Variants in LRIG2 observed in about 807,000 individuals in gnomAD.
LRIG2 encodes the protein leucine-rich repeats and immunoglobulin-like domains protein 2.
Under a neutral mutation model 107.8 loss-of-function variants are expected in LRIG2, and 93 were observed. That is an observed-to-expected ratio of 0.86 (90% CI 0.73 to 1.03). LRIG2 has a LOEUF of 1.03. LRIG2 is among the 50% of genes least tolerant of loss of function. The pLI is 0.00. For synonymous variants in LRIG2, 471 were observed against 470.6 expected (o/e 1.00, Z -0.01); for missense variants, 1,226 against 1,296.0 (o/e 0.95, Z 0.83).
chr1:113,086,322 CTAAAT>C (rs1034785864), intron 1 of LRIG2, among the ~76,000 whole-genome samples: 9 of 152,036 alleles, frequency 5.9e-5, no homozygotes, highest in African/African-American at 2.2e-4. Flanking sequence ...ATTTTTAAAA[CTAAAT>C]TATGCTAGGT....
intron 10 of LRIG2, 68 bp from the exon 11 acceptor site, chr1:113,100,352 A>G: frequency 1.4e-6 from 2 of 1,451,396 alleles, no homozygotes; most frequent in South Asian, 1.2e-5. Context: ...TTTCATGACC[A>G]TGTAAAGTGT....
At chr1:113,107,134 T>C (rs1654573965) in intron 11 of LRIG2, among the ~76,000 whole-genome samples, 1 of 152,150 alleles carries the variant, frequency 6.6e-6, no homozygotes, top group African/African-American at 2.4e-5. Flanking sequence ...GTTGCAGCCA[T>C]GGTGACACTT....
In LRIG2 at chr1:113,116,345, TGAGCCACAG is replaced by T. The variant is rs1339868969; in HGVS notation, c.2592_2600del (p.Pro865_Glu867del). ...ACTTGTCTTCCCAAGGAACGCTGTCTGAGCCACAGGAAGGCTACAGCAACTCTGAGGCAG... is the reference window on the plus strand; with the variant it reads ...ACTTGTCTTCCCAAGGAACGCTGTCTGAAGGCTACAGCAACTCTGAGGCAG... On this transcript the variant is annotated inframe_deletion, in exon 16 of 18. Transcript: ENST00000361127. The T allele has an allele frequency of 2.5e-6, 4 of 1,614,102 alleles. No individual in the cohort carries two copies. Among genetic ancestry groups the T allele is most frequent in the African/African-American group, 1.3e-5 (1 of 75,066 alleles).
At chr1:113,117,672 C>T (rs568681427) in intron 16 of LRIG2, among the ~76,000 whole-genome samples, 34 of 151,768 alleles carry the variant, frequency 2.2e-4, no homozygotes, top group Middle Eastern at 3.4e-3. Context: ...TTAGTAGAGA[C>T]GGGTTTCACC....
In LRIG2 at chr1:113,100,487, C is replaced by T. The variant is rs764738141; in HGVS notation, c.1312C>T (p.Leu438=). ...NAFSQTHLKE[L]ILNTSSLLCD... The stretch of plus-strand genomic sequence containing the variant: ...TTTTTCTCAGACTCATTTAAAAGAA[C>T]TGTAAGTAACTTGTCTTTTTAAAAT... Residue 438 remains leucine (L), a splice_region_variant and synonymous_variant, in exon 11 of 18, where the codon CTG becomes TTG. Transcript: ENST00000361127. 1 of 1,474,096 alleles carries T rather than the reference C, an allele frequency of 6.8e-7. No homozygotes were observed. Among genetic ancestry groups the T allele is most frequent in the East Asian group, 2.3e-5 (1 of 44,024 alleles). The allele number at this position is 1,474,096 out of a possible 1,614,324, so 91.3% of individuals were successfully genotyped here.
rs1447075483 is a variant in LRIG2, at chr1:113,119,430, C to T, written c.2878C>T (p.Leu960=). 1 of 1,614,002 alleles carries T rather than the reference C, an allele frequency of 6.2e-7. No individual in the cohort carries two copies. Among genetic ancestry groups the T allele is most frequent in the Non-Finnish European group, 8.5e-7 (1 of 1,180,030 alleles). ...PPQDTTALES[L]IPSANREPSA... is the part of the protein sequence containing the mutation. The stretch of plus-strand genomic sequence containing the variant: ...CCAGGATACTACTGCCCTAGAGAGC[C>T]TGATACCGTCAGCCAACAGAGAGCC... The change falls in exon 17 of 18, where the codon CTG becomes TTG. Residue 960 remains leucine, a synonymous_variant. Coordinates refer to ENST00000361127, the MANE Select transcript of LRIG2 (RefSeq NM_014813.3).
Position 113,096,313 on chromosome 1 carries a change from G to C in LRIG2, c.1039G>C (p.Val347Leu). 6.2e-7 allele frequency: 1 copy of C among 1,614,088 alleles called. No homozygotes were observed. Among genetic ancestry groups the C allele is most frequent in the Non-Finnish European group, 8.5e-7 (1 of 1,179,964 alleles). The part of the protein sequence containing the change: ...LERLNLGDNR[V>L]THIADGVFRF... ...GAGATTGAATTTAGGAGACAACAGA[G>C]TCACTCATATTGCTGATGGTGTATT... Residue 347 changes from valine to leucine, a missense_variant, in exon 8 of 18, where the codon GTC (valine) becomes CTC (leucine). Physicochemically the swap from Val to Leu is conservative, Grantham distance 32. This residue lies in a region of LRIG2 where 570 missense variants were observed against 550.2 expected (regional missense o/e 1.04). Coordinates refer to ENST00000361127, the MANE Select transcript of LRIG2 (RefSeq NM_014813.3).
rs140543672 is a variant in LRIG2, at chr1:113,073,590, C to T, written c.184C>T (p.Pro62Ser). ...PLLDCSRRKLPAPSWRALSGL... is the reference protein window; with the variant it reads ...PLLDCSRRKLSAPSWRALSGL... ...CCTGGACTGCAGTCGCAGGAAATTGCCCGCACCGAGCTGGAGGGCGCTGTC... is the reference window on the plus strand; with the variant it reads ...CCTGGACTGCAGTCGCAGGAAATTGTCCGCACCGAGCTGGAGGGCGCTGTC... The change falls in exon 1 of 18, where the codon CCC becomes TCC. Residue 62 changes from proline (P) to serine (S), a missense_variant. Around this residue, in one of 3 missense-constraint regions of LRIG2, gnomAD observed 570 missense variants for 550.2 expected, o/e 1.04. Transcript: ENST00000361127. 3 of 1,613,868 alleles carry T rather than the reference C, an allele frequency of 1.9e-6. No homozygotes were observed. The highest frequency in any genetic ancestry group is 1.7e-6 in the Non-Finnish European group (2 of 1,179,976).
At chr1:113,100,361 G>A (rs895844095) in intron 10 of LRIG2, 59 bp from the exon 11 acceptor site, 5 of 1,446,424 alleles carry the variant, frequency 3.5e-6, no homozygotes, top group Admixed American at 1.7e-5. Context: ...CATGTAAAGT[G>A]TTTATGTAAC....
At chr1:113,074,907 G>C (rs1473703072) in intron 1 of LRIG2, among the ~76,000 whole-genome samples, 21 of 143,472 alleles carry the variant, frequency 1.5e-4, no homozygotes, top group Non-Finnish European at 6.1e-5. Flanking sequence ...GACTCCGTCT[G>C]GGGGGAGGGA....
At position 113,110,538 on chromosome 1, in the gene LRIG2, C is replaced by A; in HGVS notation, c.1774C>A (p.Gln592Lys). 6.2e-7 allele frequency: 1 copy of A among 1,608,450 alleles called. No homozygotes were observed. Among genetic ancestry groups the A allele is most frequent in the Non-Finnish European group, 8.5e-7 (1 of 1,175,478 alleles). The change falls in exon 13 of 18, where the codon CAG (glutamine) becomes AAG (lysine). Residue 592 changes from glutamine to lysine, a missense_variant. Transcript: ENST00000361127. ...TAATCACTTTGGTTCTAATTATTCT[C>A]AGAAAGCCAAACTGACTGTAAATGG... is the stretch of plus-strand genomic sequence containing the variant. Reference protein sequence around the residue: ...VTNHFGSNYSQKAKLTVNEMP... With the variant: ...VTNHFGSNYSKKAKLTVNEMP...
Position 113,123,727 on chromosome 1 carries a change from T to TTTTTTTTTG in LRIG2, c.2972-147_2972-146insTTTTTTTGT, listed in dbSNP as rs1437564600. ...AAAGACCATGTTCTGGTGGTGGTTT[T>TTTTTTTTTG]TGTGTGTGTGTGTGTGTGTGTGTGT... On this transcript the variant is annotated intron_variant, in intron 17 of 17. Coordinates refer to ENST00000361127, the MANE Select transcript of LRIG2 (RefSeq NM_014813.3). 6 of 597,094 alleles carry TTTTTTTTTG rather than the reference T, an allele frequency of 1.0e-5. No homozygotes were observed. The African/African-American group carries it at 1.2e-4, about 12-fold the overall frequency. 37.0% of individuals were successfully genotyped at this position (597,094 alleles called of 1,614,324 possible).
rs149473447 is a variant in LRIG2, at chr1:113,110,417, T to C, written c.1653T>C (p.Tyr551=). 8.7e-6 allele frequency: 14 copies of C among 1,614,084 alleles called. No homozygotes were observed. Among genetic ancestry groups the C allele is most frequent in the Non-Finnish European group, 1.1e-5 (13 of 1,180,046 alleles). ...YDVDTENFVR[Y]WQQAGEALEY... is the part of the protein sequence containing the mutation. The stretch of plus-strand genomic sequence containing the variant: ...TGGATACTGAGAATTTTGTTCGTTA[T>C]TGGCAGCAAGCTGGAGAAGCTCTGG... Residue 551 remains tyrosine, a synonymous_variant, in exon 13 of 18, where the codon TAT becomes TAC. Transcript: ENST00000361127.
chr1:113,116,333 A>T lies in LRIG2; in HGVS notation c.2577A>T (p.Gln859His). ...PADIPSYLSSQGTLSEPQEGY... is the reference protein window; with the variant it reads ...PADIPSYLSSHGTLSEPQEGY... ...ACATTCCCAGCTACTTGTCTTCCCA[A>T]GGAACGCTGTCTGAGCCACAGGAAG... Residue 859 changes from glutamine to histidine, a missense_variant, in exon 16 of 18, where the codon CAA becomes CAT. Physicochemically the swap from Gln to His is conservative, Grantham distance 24. Around this residue, in one of 3 missense-constraint regions of LRIG2, gnomAD observed 642 missense variants for 712.2 expected, o/e 0.90. Transcript: ENST00000361127. The T allele has an allele frequency of 6.2e-7, 1 of 1,614,074 alleles. No individual in the cohort carries two copies. The highest frequency in any genetic ancestry group is 8.5e-7 in the Non-Finnish European group (1 of 1,179,954).
In LRIG2 at chr1:113,116,428, G is replaced by A; in HGVS notation, c.2672G>A (p.Gly891Asp). 6.4e-7 allele frequency: 1 copy of A among 1,555,820 alleles called. No homozygotes were observed. The highest frequency in any genetic ancestry group is 1.5e-5 in the African/African-American group (1 of 65,970). Residue 891 changes from glycine to aspartate, a missense_variant, in exon 16 of 18, where the codon GGC becomes GAC. Physicochemically the swap from Gly to Asp is moderately conservative, Grantham distance 94 (BLOSUM62 -1). Transcript: ENST00000361127. ...CCTGCCAATGGATATATACACAAAG[G>A]CACTGACGGTAATGACTCTGTTGTT... ...MPPANGYIHK[G>D]TDGGTGTRVI...
In LRIG2 at chr1:113,095,930, G is replaced by T. The variant is rs761499844; in HGVS notation, c.860G>T (p.Arg287Leu). ...RVNKGWLYGL[R>L]MLQQLYVSQN... is the part of the protein sequence containing the mutation. ...AACAAGGGGTGGTTGTATGGCTTGC[G>T]AATGTTACAGCAGCTCTATGTGAGC... The change falls in exon 7 of 18, where the codon CGA becomes CTA. Residue 287 changes from arginine to leucine, a missense_variant. Transcript: ENST00000361127. 1.6e-5 allele frequency: 26 copies of T among 1,614,026 alleles called. No individual in the cohort carries two copies. Among genetic ancestry groups the T allele is most frequent in the Admixed American group, 1.2e-4 (7 of 59,996 alleles).
At chr1:113,109,770 C>T (rs1220133025) in intron 12 of LRIG2, among the ~76,000 whole-genome samples, 2 of 152,150 alleles carry the variant, frequency 1.3e-5, no homozygotes, top group Admixed American at 6.6e-5. Flanking sequence ...CCACCCACTT[C>T]GACCTCTGAA....
chr1:113,110,138 C>T, intron 12 of LRIG2, 104 bp from the exon 13 acceptor site: 1 of 793,842 alleles, frequency 1.3e-6, no homozygotes. Flanking sequence ...CTTTAATATG[C>T]CACTTTGTAA....
Position 113,112,027 on chromosome 1 carries a change from T to C in LRIG2, c.1799-452T>C, listed in dbSNP as rs111545977. 2.3e-3 allele frequency among the ~76,000 whole-genome samples: 344 copies of C among 152,306 alleles called. 1 individual carries two copies. Among genetic ancestry groups the C allele is most frequent in the African/African-American group, 7.9e-3 (329 of 41,568 alleles). On this transcript the variant is annotated intron_variant, in intron 13 of 17. Coordinates refer to ENST00000361127, the MANE Select transcript of LRIG2 (RefSeq NM_014813.3). ...AAAGAAGGTTTGTGGCCTTCTGCTTTCCCTAGTTCCAGCTGATGATTAAGT... is the reference window on the plus strand; with the variant it reads ...AAAGAAGGTTTGTGGCCTTCTGCTTCCCCTAGTTCCAGCTGATGATTAAGT...
Sources: allele counts gnomAD v4.1 joint callset (sites outside exome capture counted in the v4.1 genomes callset), GRCh38; gene constraint gnomAD v4.1.1; regional missense constraint gnomAD v4.1.1; transcripts MANE v1.5; gene names NCBI Gene and HGNC (gene_info 2026-07-23, HGNC 2026-07-21).